ADRA1A: variants seen among roughly 807,000 people sequenced by gnomAD.
ADRA1A encodes adrenoceptor alpha 1A.
In ADRA1A, 31 loss-of-function variants were observed where a neutral mutation model predicts 29.6. The observed-to-expected ratio is 1.05, with a 90% CI of 0.79 to 1.41. The LOEUF (loss-of-function observed/expected upper bound fraction) is 1.41. Among genes scored for constraint, ADRA1A ranks in the 40% most tolerant of loss-of-function variants. The pLI is 0.00. For missense variants in ADRA1A, 619 were observed against 601.1 expected, an observed-to-expected ratio of 1.03 and a Z score of -0.31; for synonymous variants, 311 against 254.3, an observed-to-expected ratio of 1.22 and a Z score of -2.12.
At chr8:26,768,474 G>A (rs1805912090), downstream of ADRA1A, among the ~76,000 whole-genome samples, 2 of 152,104 alleles carry the variant, frequency 1.3e-5, no homozygotes. Context: ...GTAATCTATA[G>A]CTTGAGCAGC....
intron 2 of ADRA1A, among the ~76,000 whole-genome samples, chr8:26,750,110 G>A (rs997744089): frequency 6.6e-6 from 1 of 152,208 alleles, no homozygotes; most frequent in Non-Finnish European, 1.5e-5. Flanking sequence ...TTGGTATCTG[G>A]TAAAGGCCTG....
chr8:26,824,682 A>G (rs1810420774), intron 2 of ADRA1A, among the ~76,000 whole-genome samples: 1 of 152,156 alleles, frequency 6.6e-6, no homozygotes, highest in African/African-American at 2.4e-5. Flanking sequence ...GAGTGCAGAC[A>G]GGGCCTATGT....
intron 2 of ADRA1A, among the ~76,000 whole-genome samples, chr8:26,837,707 G>A (rs946873597): frequency 6.6e-6 from 1 of 151,344 alleles, no homozygotes; most frequent in African/African-American, 2.4e-5. Flanking sequence ...AGGCCTAACC[G>A]GTGCCCACAG....
intron 2 of ADRA1A, among the ~76,000 whole-genome samples, chr8:26,814,203 AC>A (rs995922287): frequency 1.3e-4 from 19 of 151,086 alleles, no homozygotes; most frequent in African/African-American, 3.9e-4. Flanking sequence ...AAAAAAAAAA[AC>A]ATACTTCCTA....
At chr8:26,850,025 C>CAAAAAAAAAAAAAAGAAAAAACA (rs141672591) in intron 2 of ADRA1A, among the ~76,000 whole-genome samples, 1 of 121,558 alleles carries the variant, frequency 8.2e-6, no homozygotes. Context: ...GAGAGAAATG[C>CAAAAAAAAAAAAAAGAAAAAACA]AAAAACAAAA....
chr8:26,774,684 G>T (rs114835740), intron 2 of ADRA1A, among the ~76,000 whole-genome samples: 15,033 of 150,996 alleles, frequency 0.1, 755 homozygotes, highest in Middle Eastern at 0.14. Context: ...AAAAAAAAAG[G>T]ACAGCAAAAG....
chr8:26,775,490 A>G lies in ADRA1A; in HGVS notation c.884-4824T>C, dbSNP rs1344404823. On this transcript the variant is annotated intron_variant, in intron 2 of 2. Transcript: ENST00000380573. This position sits in a 1 kb window ranked among gnomAD's most constrained non-coding sequence, Gnocchi z 4.1. Reference sequence around the variant, plus strand: ...TTCATAGGAAGAGCCAGACTTCCAAATCACCCACATGAGAATAGGGGCTCC... The same window carrying G: ...TTCATAGGAAGAGCCAGACTTCCAAGTCACCCACATGAGAATAGGGGCTCC... 6.6e-6 allele frequency among the ~76,000 whole-genome samples: 1 copy of G among 152,052 alleles called. No homozygotes were observed. The highest frequency in any genetic ancestry group is 1.5e-5 in the Non-Finnish European group (1 of 68,016).
rs752263648 is a variant in ADRA1A at position 26,864,572 on chromosome 8, C to A, written c.398G>T (p.Arg133Leu). The change falls in exon 2 of 3, where the codon CGC (arginine) becomes CTC (leucine). Residue 133 changes from arginine to leucine, a missense_variant. Arg to Leu is a moderately radical substitution (Grantham distance 102, BLOSUM62 -2). Coordinates refer to ENST00000380573, the MANE Select transcript of ADRA1A (RefSeq NM_000680.4). This position sits in a 1 kb window ranked among gnomAD's most constrained non-coding sequence, Gnocchi z 8.1. Reference sequence around the variant, plus strand: ...CCTCTGGGTGACGATGGTTGGGTAGCGCAGCGGGTAGCTCACGCCGATGTA... The same window carrying A: ...CCTCTGGGTGACGATGGTTGGGTAGAGCAGCGGGTAGCTCACGCCGATGTA... ...DRYIGVSYPL[R>L]YPTIVTQRRG... 10 of 1,613,936 alleles carry A rather than the reference C, an allele frequency of 6.2e-6. No homozygotes were observed. The highest frequency in any genetic ancestry group is 7.6e-6 in the Non-Finnish European group (9 of 1,180,024).
Position 26,831,857 on chromosome 8 carries a change from C to T in ADRA1A, c.883+32230G>A, listed in dbSNP as rs1329176180. On this transcript the variant is annotated intron_variant, in intron 2 of 2. Coordinates refer to ENST00000380573, the MANE Select transcript of ADRA1A (RefSeq NM_000680.4). The surrounding 1 kb of genome is among the most constrained non-coding windows in gnomAD (Gnocchi z 5.2). Reference sequence around the variant, plus strand: ...GGGCTGTCAGCAGCCACCGCCCCTGCGCTGTGGGCTCCCTGCCCTGTGGAG... The same window carrying T: ...GGGCTGTCAGCAGCCACCGCCCCTGTGCTGTGGGCTCCCTGCCCTGTGGAG... 3.3e-5 allele frequency among the ~76,000 whole-genome samples: 5 copies of T among 152,230 alleles called. No homozygotes were observed. Among genetic ancestry groups the T allele is most frequent in the African/African-American group, 4.8e-5 (2 of 41,468 alleles).
In ADRA1A at chr8:26,864,086, C is replaced by A. The variant is rs145750728; in HGVS notation, c.883+1G>T. On this transcript the variant is annotated splice_donor_variant, in intron 2 of 2. Transcript: ENST00000380573. LOFTEE classifies it high-confidence loss of function. The surrounding 1 kb of genome is among the most constrained non-coding windows in gnomAD (Gnocchi z 8.1). ...TAAAGTGAGGGGTGTTCAAGACTTA[C>A]CAATGGGCATGACTAAGAAAAAAGG... The A allele has an allele frequency of 6.2e-7, 1 of 1,611,262 alleles. No individual in the cohort carries two copies. Among genetic ancestry groups the A allele is most frequent in the Non-Finnish European group, 8.5e-7 (1 of 1,178,700 alleles).
intron 2 of ADRA1A, among the ~76,000 whole-genome samples, chr8:26,833,514 T>G (rs889764536): frequency 6.6e-6 from 1 of 152,166 alleles, no homozygotes; most frequent in African/African-American, 2.4e-5. Context: ...TGCTGGAAAA[T>G]TCAGGCAACT....
chr8:26,807,360 A>T (rs899553897), intron 2 of ADRA1A, among the ~76,000 whole-genome samples: 4 of 152,254 alleles, frequency 2.6e-5, no homozygotes, highest in Admixed American at 6.5e-5. Flanking sequence ...GTGGCTAAAA[A>T]TATTAACTGA....
rs774886109 is a variant in ADRA1A, at chr8:26,819,251, CA to C, written c.883+44835del. 1.6e-4 allele frequency among the ~76,000 whole-genome samples: 25 copies of C among 152,160 alleles called. No individual in the cohort carries two copies. In the East Asian group the frequency reaches 2.9e-3, roughly 18 times the overall value. On this transcript the variant is annotated intron_variant, in intron 2 of 2. Transcript: ENST00000380573. ...AGAGAGAAAGACTTTCCCAGAGAAA[CA>C]AAAGCTGTGGGAATTCTTCACCATG... is the stretch of plus-strand genomic sequence containing the variant.
intron 2 of ADRA1A, among the ~76,000 whole-genome samples, chr8:26,816,293 A>G (rs1261474260): frequency 2.0e-5 from 3 of 152,208 alleles, no homozygotes; most frequent in Non-Finnish European, 4.4e-5. Context: ...ACCGTATTCC[A>G]TGAAGGTGGG....
At chr8:26,768,444 A>G (rs1302668697), downstream of ADRA1A, among the ~76,000 whole-genome samples, 1 of 152,212 alleles carries the variant, frequency 6.6e-6, no homozygotes, top group Non-Finnish European at 1.5e-5. Context: ...TTTTACTTAT[A>G]GTTACCATCT....
chr8:26,787,194 A>G lies in ADRA1A; in HGVS notation c.884-16528T>C, dbSNP rs1282175003. Among the ~76,000 whole-genome samples the G allele has an allele frequency of 2.0e-5, 3 of 152,218 alleles. No homozygotes were observed. Among genetic ancestry groups the G allele is most frequent in the African/African-American group, 7.2e-5 (3 of 41,458 alleles). On this transcript the variant is annotated intron_variant, in intron 2 of 2. Transcript: ENST00000380573. This position sits in a 1 kb window ranked among gnomAD's most constrained non-coding sequence, Gnocchi z 4.2. ...AATCTGTCACTGCTTTGCTGGCTTTATAGTGAAAATAGTGCACAGAGCCAT... is the reference window on the plus strand; with the variant it reads ...AATCTGTCACTGCTTTGCTGGCTTTGTAGTGAAAATAGTGCACAGAGCCAT...
downstream of ADRA1A, chr8:26,766,189 G>C (rs571036425): frequency 1.6e-6 from 2 of 1,282,170 alleles, no homozygotes; most frequent in South Asian, 2.4e-5. Flanking sequence ...AGGTGAGTGA[G>C]AGTGAGTTAT....
At chr8:26,808,450 G>A (rs576594067) in intron 2 of ADRA1A, among the ~76,000 whole-genome samples, 1 of 152,148 alleles carries the variant, frequency 6.6e-6, no homozygotes, top group South Asian at 2.1e-4. Flanking sequence ...TTTTAACTTA[G>A]CCTTTTACCT....
chr8:26,764,734 T>C (rs530712154), downstream of ADRA1A, among the ~76,000 whole-genome samples: 9 of 152,344 alleles, frequency 5.9e-5, no homozygotes, highest in African/African-American at 2.2e-4. Flanking sequence ...TAAAGTGCTA[T>C]ATAAACGGAC....
Sources: allele counts gnomAD v4.1 joint callset (sites outside exome capture counted in the v4.1 genomes callset), GRCh38; gene constraint gnomAD v4.1.1; non-coding constraint Gnocchi (gnomAD v3.1); transcripts MANE v1.5; gene names NCBI Gene and HGNC (gene_info 2026-07-23, HGNC 2026-07-21).